Variants in CERS3 observed in about 807,000 individuals in gnomAD.
CERS3 encodes the protein ceramide synthase 3.
In CERS3, 33 loss-of-function variants were observed where a neutral mutation model predicts 50.3. The ratio of observed to expected loss-of-function variants is 0.66; its 90% confidence interval spans 0.50 to 0.88. The LOEUF (loss-of-function observed/expected upper bound fraction) is 0.88. Ranked by LOEUF, CERS3 falls within the 40% of genes least tolerant of loss-of-function variation. CERS3 has a pLI of 0.00. For missense variants in CERS3, 470 were observed against 460.3 expected (o/e 1.02, Z -0.19); for synonymous variants, 176 against 155.2 (o/e 1.13, Z -0.99).
chr15:100,543,815 C>A (rs1404316884), intron 1 of CERS3, among the ~76,000 whole-genome samples: 1 of 152,218 alleles, frequency 6.6e-6, no homozygotes, highest in Non-Finnish European at 1.5e-5. Flanking sequence ...CAGGCGTGTG[C>A]CACCGCACGT....
intron 11 of CERS3, among the ~76,000 whole-genome samples, chr15:100,443,773 C>A (rs1214025088): frequency 6.6e-6 from 1 of 152,114 alleles, no homozygotes; most frequent in East Asian, 1.9e-4. Context: ...TAGTGTCCGA[C>A]TGATCTCTCA....
At chr15:100,522,126 C>T (rs2036657792) in intron 1 of CERS3, among the ~76,000 whole-genome samples, 1 of 152,226 alleles carries the variant, frequency 6.6e-6, no homozygotes, top group African/African-American at 2.4e-5. Context: ...ATGTTGCTAA[C>T]ATTTCTCAAT....
At chr15:100,494,781 G>A (rs889463371) in intron 3 of CERS3, among the ~76,000 whole-genome samples, 3 of 152,172 alleles carry the variant, frequency 2.0e-5, no homozygotes, top group Non-Finnish European at 4.4e-5. Flanking sequence ...GAGCCTAAAG[G>A]TCATTCAGAG....
intron 9 of CERS3, 60 bp downstream of exon 9, chr15:100,472,864 A>C: frequency 6.2e-6 from 10 of 1,604,572 alleles, no homozygotes; most frequent in Non-Finnish European, 8.5e-6. Flanking sequence ...TACTTCTGTG[A>C]GCAGTTACGG....
At chr15:100,413,072 G>A (rs963325410) in intron 11 of CERS3, among the ~76,000 whole-genome samples, 3 of 152,142 alleles carry the variant, frequency 2.0e-5, no homozygotes, top group Non-Finnish European at 4.4e-5. Context: ...GCCAGACTGT[G>A]TGGTGATCAA....
intron 11 of CERS3, among the ~76,000 whole-genome samples, chr15:100,426,534 G>C (rs1303851504): frequency 6.6e-6 from 1 of 152,150 alleles, no homozygotes; most frequent in Non-Finnish European, 1.5e-5. Flanking sequence ...AAAATGAGTA[G>C]GAATATACTG....
intron 11 of CERS3, among the ~76,000 whole-genome samples, chr15:100,450,245 C>T (rs1311932053): frequency 6.6e-6 from 1 of 151,436 alleles, no homozygotes; most frequent in African/African-American, 2.4e-5. Context: ...ATGGTGAAAC[C>T]CCTTCTTTAC....
chr15:100,467,383 A>G (rs1232966276), intron 10 of CERS3, among the ~76,000 whole-genome samples: 1 of 152,154 alleles, frequency 6.6e-6, no homozygotes, highest in Admixed American at 6.5e-5. Flanking sequence ...CCGGCCTGCA[A>G]CCTGGGTGTA....
chr15:100,490,254 C>T (rs1026918473), intron 4 of CERS3, among the ~76,000 whole-genome samples: 2 of 152,060 alleles, frequency 1.3e-5, no homozygotes, highest in Non-Finnish European at 2.9e-5. Flanking sequence ...TGCACTACAA[C>T]ATAAATGAAG....
chr15:100,424,695 A>G (rs2032697760), intron 11 of CERS3, among the ~76,000 whole-genome samples: 1 of 152,250 alleles, frequency 6.6e-6, no homozygotes, highest in Admixed American at 6.5e-5. Context: ...TGCTTATGAC[A>G]GCATATGCTC....
chr15:100,515,094 T>G (rs544054245), intron 2 of CERS3, among the ~76,000 whole-genome samples: 1 of 152,356 alleles, frequency 6.6e-6, no homozygotes, highest in South Asian at 2.1e-4. Context: ...AATGGTAATT[T>G]GTTTCACATT....
rs575989525 is a variant in CERS3, at chr15:100,499,021, C to A, written c.173+2656G>T. Among the ~76,000 whole-genome samples, 3 of 152,284 alleles carry A rather than the reference C, an allele frequency of 2.0e-5. No individual in the cohort carries two copies. The South Asian group carries it at 6.2e-4, about 32-fold the overall frequency. On this transcript the variant is annotated intron_variant, in intron 3 of 11. Transcript: ENST00000679737. ...CAATACTTCTTCAATTTATGTAAGT[C>A]GCTACAGATAGGTTACTCCAGCTAC...
At position 100,473,032 on chromosome 15, in the gene CERS3, G is replaced by A. The variant is rs1451453880; in HGVS notation, c.630C>T (p.Ile210=). 6.2e-7 allele frequency: 1 copy of A among 1,613,606 alleles called. No individual in the cohort carries two copies. The highest frequency in any genetic ancestry group is 8.5e-7 in the Non-Finnish European group (1 of 1,179,830). ...TCAGACTAATAGCAGCCAGGTGGTGGATGATATGAGCTAGAAAATCCTGTA... is the reference window on the plus strand; with the variant it reads ...TCAGACTAATAGCAGCCAGGTGGTGAATGATATGAGCTAGAAAATCCTGTA... The part of the protein sequence containing the change: ...VKRKDFLAHI[I]HHLAAISLMS... Residue 210 remains isoleucine, a synonymous_variant, in exon 9 of 12, where the codon ATC becomes ATT. Coordinates refer to ENST00000679737, the MANE Select transcript of CERS3 (RefSeq NM_001378789.1).
At chr15:100,534,962 C>G (rs943429291) in intron 1 of CERS3, among the ~76,000 whole-genome samples, 7 of 152,092 alleles carry the variant, frequency 4.6e-5, no homozygotes, top group African/African-American at 1.7e-4. Context: ...GTCCCACCTA[C>G]ACCTCAAGTT....
intron 1 of CERS3, among the ~76,000 whole-genome samples, chr15:100,541,277 G>A (rs996127107): frequency 6.6e-6 from 1 of 152,182 alleles, no homozygotes; most frequent in Non-Finnish European, 1.5e-5. Context: ...TTTGAGACCA[G>A]CCTGACCAAC....
At chr15:100,538,399 C>T (rs1007412052) in intron 1 of CERS3, among the ~76,000 whole-genome samples, 3 of 152,236 alleles carry the variant, frequency 2.0e-5, no homozygotes, top group Non-Finnish European at 4.4e-5. Flanking sequence ...GAGGGCTCTA[C>T]TCCTGCAGCA....
chr15:100,472,943 A>G lies in CERS3; in HGVS notation c.719T>C (p.Val240Ala), dbSNP rs1263063659. 4 of 1,613,990 alleles carry G rather than the reference A, an allele frequency of 2.5e-6. No individual in the cohort carries two copies. Among genetic ancestry groups the G allele is most frequent in the Admixed American group, 3.3e-5 (2 of 60,004 alleles). Reference protein sequence around the residue: ...SGTLVMIVHDVADIWLESAKM... With the variant: ...SGTLVMIVHDAADIWLESAKM... ...GTTTACCTCCAGCCAAATGTCAGCC[A>G]CATCGTGTACAATCATCACGAGGGT... Residue 240 changes from valine to alanine, a missense_variant, in exon 9 of 12, where the codon GTG becomes GCG. Coordinates refer to ENST00000679737, the MANE Select transcript of CERS3 (RefSeq NM_001378789.1).
upstream of CERS3, among the ~76,000 whole-genome samples, chr15:100,533,471 T>A (rs2036990797): frequency 6.6e-6 from 1 of 152,076 alleles, no homozygotes. Flanking sequence ...TGAGGACCAA[T>A]TCATTGGGTT....
chr15:100,461,677 T>C (rs1465701524), intron 10 of CERS3, among the ~76,000 whole-genome samples: 1 of 152,180 alleles, frequency 6.6e-6, no homozygotes, highest in African/African-American at 2.4e-5. Flanking sequence ...GTAACACAGT[T>C]AGAGCAACAC....
Sources: gnomAD v4.1 joint callset for allele counts (sites outside exome capture counted in the v4.1 genomes callset) on GRCh38, gnomAD v4.1.1 for gene constraint, MANE v1.5 for transcripts, NCBI Gene and HGNC (gene_info 2026-07-23, HGNC 2026-07-21) for gene names.